Variants in CNTN5 observed in about 807,000 individuals in gnomAD.
The protein encoded by CNTN5 is contactin-5.
A neutral mutation model predicts 129.1 loss-of-function variants in CNTN5; 77 were observed. The ratio of observed to expected loss-of-function variants is 0.60; its 90% confidence interval spans 0.50 to 0.72. The LOEUF is 0.72. Ranked by LOEUF, CNTN5 falls within the 30% of genes least tolerant of loss-of-function variation. The probability of loss-of-function intolerance (pLI) is 0.00; values close to 1 mark genes in which losing one functional copy is unlikely to be tolerated. For missense variants in CNTN5, 1,478 were observed against 1,328.8 expected (o/e 1.11, Z -1.75); for synonymous variants, 509 against 465.6 (o/e 1.09, Z -1.20).
intron 1 of CNTN5, among the ~76,000 whole-genome samples, chr11:99,281,004 T>C (rs554639140): frequency 6.6e-6 from 1 of 151,484 alleles, no homozygotes; most frequent in East Asian, 1.9e-4. Context: ...ATCACAAAAA[T>C]TTAAAAATCA....
chr11:99,706,573 A>G (rs1025512219), intron 3 of CNTN5, among the ~76,000 whole-genome samples: 3 of 151,512 alleles, frequency 2.0e-5, no homozygotes, highest in African/African-American at 7.3e-5. Flanking sequence ...CCTCTCATTA[A>G]TTAAATCTCT....
chr11:99,851,685 G>A (rs1046947782), intron 6 of CNTN5, among the ~76,000 whole-genome samples: 1 of 152,148 alleles, frequency 6.6e-6, no homozygotes, highest in Non-Finnish European at 1.5e-5. Flanking sequence ...TGAACATACT[G>A]CTTTTCAGCG....
intron 1 of CNTN5, among the ~76,000 whole-genome samples, chr11:99,233,654 T>C (rs1418176093): frequency 6.6e-6 from 1 of 152,160 alleles, no homozygotes; most frequent in South Asian, 2.1e-4. Flanking sequence ...GTGTATTAAA[T>C]AATTTGTTTT....
At chr11:99,620,508 C>CTTTTCTTTTTTTTTTTTTT (rs1565356098) in intron 3 of CNTN5, among the ~76,000 whole-genome samples, 1 of 107,024 alleles carries the variant, frequency 9.3e-6, no homozygotes, top group African/African-American at 3.1e-5. Flanking sequence ...TTTTTCTTTT[C>CTTTTCTTTTTTTTTTTTTT]TTTTTTTTTT....
chr11:99,678,676 A>G (rs572472380), intron 3 of CNTN5, among the ~76,000 whole-genome samples: 2 of 152,168 alleles, frequency 1.3e-5, no homozygotes, highest in Non-Finnish European at 2.9e-5. Context: ...GGGAGAGGAT[A>G]GTGAAAAGTT....
chr11:99,282,943 C>CA (rs1371769416), intron 1 of CNTN5, among the ~76,000 whole-genome samples: 1 of 151,926 alleles, frequency 6.6e-6, no homozygotes, highest in Non-Finnish European at 1.5e-5. Flanking sequence ...AAGAAAGGCT[C>CA]ATTTTTTTTT....
intron 2 of CNTN5, among the ~76,000 whole-genome samples, chr11:99,433,637 A>G (rs2726410): frequency 0.048 from 7,250 of 152,238 alleles, 240 homozygotes; most frequent in Non-Finnish European, 0.072. Context: ...TTGACCTTCA[A>G]TGAATACCAT....
At chr11:99,824,165 G>T (rs758844296) in intron 4 of CNTN5, among the ~76,000 whole-genome samples, 1 of 151,906 alleles carries the variant, frequency 6.6e-6, no homozygotes, top group East Asian at 1.9e-4. Context: ...TTTTAGGAGT[G>T]CAATTTTTAT....
chr11:100,157,525 C>T (rs11223005), intron 13 of CNTN5, among the ~76,000 whole-genome samples: 14,517 of 151,140 alleles, frequency 0.096, 871 homozygotes, highest in Non-Finnish European at 0.14. Flanking sequence ...AAAAAAAATC[C>T]CAAGTCTCAA....
chr11:99,037,976 G>T (rs1026828738), intron 1 of CNTN5, among the ~76,000 whole-genome samples: 4 of 151,888 alleles, frequency 2.6e-5, no homozygotes, highest in Admixed American at 1.3e-4. Context: ...AAACACGGGG[G>T]TATTTATTTA....
At chr11:99,779,522 C>T (rs924992997) in intron 3 of CNTN5, among the ~76,000 whole-genome samples, 3 of 151,820 alleles carry the variant, frequency 2.0e-5, no homozygotes, top group African/African-American at 7.3e-5. Flanking sequence ...TCCAGCTTCC[C>T]TTAGAATAAT....
At chr11:99,161,099 C>T (rs1372676078) in intron 1 of CNTN5, among the ~76,000 whole-genome samples, 4 of 151,998 alleles carry the variant, frequency 2.6e-5, no homozygotes, top group African/African-American at 9.7e-5. Context: ...ACATCATATT[C>T]CTCTCATTTC....
chr11:100,352,408 G>T (rs1042255806), intron 24 of CNTN5, among the ~76,000 whole-genome samples: 27 of 151,286 alleles, frequency 1.8e-4, no homozygotes, highest in African/African-American at 6.5e-4. Flanking sequence ...TTATTTTTAG[G>T]AACTATACAT....
At chr11:99,989,510 T>C (rs1351909910) in intron 8 of CNTN5, among the ~76,000 whole-genome samples, 2 of 140,976 alleles carry the variant, frequency 1.4e-5, no homozygotes, top group Admixed American at 1.4e-4. Flanking sequence ...CACAAATAGA[T>C]AGACACATAC....
intron 1 of CNTN5, among the ~76,000 whole-genome samples, chr11:99,022,818 A>G (rs987137372): frequency 2.6e-5 from 4 of 152,206 alleles, no homozygotes; most frequent in Admixed American, 6.5e-5. Flanking sequence ...AATGATTATT[A>G]CAAGTGCCAG....
At chr11:99,079,145 A>T (rs1865696183) in intron 1 of CNTN5, among the ~76,000 whole-genome samples, 1 of 152,176 alleles carries the variant, frequency 6.6e-6, no homozygotes, top group Non-Finnish European at 1.5e-5. Flanking sequence ...CCATTTAAAG[A>T]GATCTCTTGG....
chr11:99,819,801 A>C, intron 4 of CNTN5, 36 bp downstream of exon 4: 1 of 469,984 alleles, frequency 2.1e-6, no homozygotes, highest in East Asian at 8.9e-5. Context: ...AGATAGAATA[A>C]AGGAGGCAAA....
At chr11:100,154,636 T>A (rs1947175009) in intron 13 of CNTN5, among the ~76,000 whole-genome samples, 1 of 152,034 alleles carries the variant, frequency 6.6e-6, no homozygotes, top group Admixed American at 6.6e-5. Context: ...TACACTCCCA[T>A]GAACAGTGTA....
At chr11:99,713,306 T>C (rs117834108) in intron 3 of CNTN5, among the ~76,000 whole-genome samples, 5,525 of 152,006 alleles carry the variant, frequency 0.036, 132 homozygotes, top group Non-Finnish European at 0.055. Context: ...GTTGTTGTTA[T>C]TGGTGTATAG....
Sources: gnomAD v4.1 joint callset for allele counts (sites outside exome capture counted in the v4.1 genomes callset) on GRCh38, gnomAD v4.1.1 for gene constraint, MANE v1.5 for transcripts, NCBI Gene and HGNC (gene_info 2026-07-23, HGNC 2026-07-21) for gene names.